TCF4: variants seen among roughly 807,000 people sequenced by gnomAD.
TCF4 encodes transcription factor 4, also known as SL3-3 enhancer factor 2.
A neutral mutation model predicts 82.1 loss-of-function variants in TCF4; 3 were observed. That is an observed-to-expected ratio of 0.04 (90% confidence interval 0.02 to 0.09). The LOEUF is 0.09. Ranked by LOEUF, TCF4 falls within the 10% of genes least tolerant of loss-of-function variation. The pLI, the probability that TCF4 is intolerant of heterozygous loss-of-function variation, is 1.00. For synonymous variants in TCF4, 276 were observed against 309.6 expected, an observed-to-expected ratio of 0.89 and a Z score of 1.14; for missense variants, 518 against 852.7, an observed-to-expected ratio of 0.61 and a Z score of 4.89.
chr18:55,577,216 G>A (rs1018752105), intron 3 of TCF4, among the ~76,000 whole-genome samples: 2 of 137,952 alleles, frequency 1.4e-5, no homozygotes, highest in Non-Finnish European at 3.1e-5. Context: ...TTATATAAAT[G>A]TATATATACG....
At chr18:55,345,511 C>T (rs147862359) in intron 8 of TCF4, among the ~76,000 whole-genome samples, 303 of 152,248 alleles carry the variant, frequency 2.0e-3, no homozygotes, top group African/African-American at 6.8e-3. Flanking sequence ...CTTGCCTAAA[C>T]ATTAATAAGC....
chr18:55,248,325 G>A lies in TCF4; in HGVS notation c.1350+6172C>T, dbSNP rs139647478. Among the ~76,000 whole-genome samples the A allele has an allele frequency of 1.1e-3, 164 of 152,298 alleles. 2 individuals are homozygous for A. Among genetic ancestry groups the A allele is most frequent in the African/African-American group, 3.6e-3 (149 of 41,582 alleles). On this transcript the variant is annotated intron_variant, in intron 15 of 19. Transcript: ENST00000354452. ...GATGATGCTGACCACCAATAGCTTC[G>A]CTGAAATTCTGTAACAGGCTATTTA...
At chr18:55,563,689 T>C (rs2097374699) in intron 3 of TCF4, among the ~76,000 whole-genome samples, 1 of 152,234 alleles carries the variant, frequency 6.6e-6, no homozygotes, top group Non-Finnish European at 1.5e-5. Context: ...GACTCGGGGA[T>C]AACTAGATTT....
chr18:55,357,145 T>C (rs1276102496), intron 6 of TCF4, among the ~76,000 whole-genome samples: 1 of 152,278 alleles, frequency 6.6e-6, no homozygotes, highest in East Asian at 1.9e-4. Context: ...GAATATATTA[T>C]TTATTGTATA....
intron 8 of TCF4, among the ~76,000 whole-genome samples, chr18:55,328,293 T>C (rs2076923040): frequency 6.6e-6 from 1 of 152,112 alleles, no homozygotes; most frequent in Non-Finnish European, 1.5e-5. Context: ...CTAGATGTGA[T>C]TTTTATTTAA....
At chr18:55,403,865 T>C in intron 5 of TCF4, 2 of 1,467,678 alleles carry the variant, frequency 1.4e-6, no homozygotes, top group Non-Finnish European at 1.8e-6. Flanking sequence ...GCAGGCAAAT[T>C]ATCTATGTAA....
intron 5 of TCF4, among the ~76,000 whole-genome samples, chr18:55,426,108 T>C (rs2094969276): frequency 7.7e-6 from 1 of 129,690 alleles, no homozygotes; most frequent in Admixed American, 8.1e-5. Flanking sequence ...TTTATATATA[T>C]ATATATATAT....
chr18:55,401,350 T>G (rs2093805703), intron 6 of TCF4: 2 of 1,136,626 alleles, frequency 1.8e-6, no homozygotes, highest in Non-Finnish European at 2.2e-6. Context: ...AGTAGACTCT[T>G]GCAAGACTCA....
chr18:55,601,508 G>C (rs1369114544), intron 2 of TCF4, among the ~76,000 whole-genome samples: 5 of 152,050 alleles, frequency 3.3e-5, no homozygotes, highest in African/African-American at 1.2e-4. Flanking sequence ...TTCAAGCTGG[G>C]TGCGGTGGCT....
intron 5 of TCF4, among the ~76,000 whole-genome samples, chr18:55,455,132 A>T (rs1168913066): frequency 6.8e-6 from 1 of 146,904 alleles, no homozygotes; most frequent in East Asian, 2.0e-4. Flanking sequence ...GGCTTCAGAG[A>T]TCATCCTACT....
chr18:55,320,099 T>C (rs2075123818), intron 8 of TCF4, among the ~76,000 whole-genome samples: 1 of 152,054 alleles, frequency 6.6e-6, no homozygotes, highest in Non-Finnish European at 1.5e-5. Flanking sequence ...TGAAAGGTGC[T>C]GAATAAGTTA....
intron 3 of TCF4, among the ~76,000 whole-genome samples, chr18:55,567,483 T>A (rs1212937053): frequency 1.3e-5 from 2 of 152,072 alleles, no homozygotes; most frequent in African/African-American, 2.4e-5. Context: ...TCAACAGAGG[T>A]GGGTGGATCA....
chr18:55,404,821 T>C (rs569136852), intron 5 of TCF4, among the ~76,000 whole-genome samples: 1 of 152,226 alleles, frequency 6.6e-6, no homozygotes, highest in African/African-American at 2.4e-5. Flanking sequence ...ATAAAATGGA[T>C]GGTGGTTTTC....
chr18:55,357,853 A>C (rs1161037780), intron 6 of TCF4, among the ~76,000 whole-genome samples: 3 of 152,210 alleles, frequency 2.0e-5, no homozygotes, highest in African/African-American at 7.2e-5. Context: ...CACTATAACA[A>C]AGTGTCCCGC....
intron 8 of TCF4, among the ~76,000 whole-genome samples, chr18:55,331,816 G>C (rs186437120): frequency 5.6e-4 from 86 of 152,284 alleles, no homozygotes; most frequent in Non-Finnish European, 4.4e-5. Flanking sequence ...AATCTGCTGA[G>C]GATCAGGGAT....
chr18:55,300,234 C>A (rs114064603), intron 8 of TCF4, among the ~76,000 whole-genome samples: 2,698 of 152,246 alleles, frequency 0.018, 111 homozygotes, highest in South Asian at 0.16. Context: ...GGAATCTGCC[C>A]CCTATGCCAA....
intron 3 of TCF4, among the ~76,000 whole-genome samples, chr18:55,501,136 C>A (rs1000389246): frequency 6.6e-6 from 1 of 151,962 alleles, no homozygotes; most frequent in Non-Finnish European, 1.5e-5. Context: ...AATGTAAATT[C>A]CAAAACAACA....
At chr18:55,619,122 G>C (rs2097715168) in intron 2 of TCF4, among the ~76,000 whole-genome samples, 1 of 151,940 alleles carries the variant, frequency 6.6e-6, no homozygotes, top group Non-Finnish European at 1.5e-5. Flanking sequence ...TTTGGGTTTT[G>C]TTTTGGGTTG....
chr18:55,587,336 GCAAAAAAAAAAAAAAAAAAAAAAAAA>G, intron 1 of TCF4, 200 bp from the exon 2 acceptor site: 1 of 13,504 alleles, frequency 7.4e-5, no homozygotes, highest in East Asian at 1.8e-3. Flanking sequence ...GGCAGCAATA[GCAAAAAAAAAAAAAAAAAAAAAAAAA>G]AAAAAAAAAA....
Sources: gnomAD v4.1 joint callset for allele counts (sites outside exome capture counted in the v4.1 genomes callset) on GRCh38, gnomAD v4.1.1 for gene constraint, MANE v1.5 for transcripts, NCBI Gene and HGNC (gene_info 2026-07-23, HGNC 2026-07-21) for gene names.